The following PLXDC2 variants were observed in gnomAD, a reference collection of about 807,000 sequenced individuals.
The protein encoded by PLXDC2 is plexin domain-containing protein 2.
Under a neutral mutation model 68.9 loss-of-function variants are expected in PLXDC2, and 40 were observed. The observed-to-expected ratio is 0.58, with a 90% CI of 0.45 to 0.76. PLXDC2 has a LOEUF of 0.76. PLXDC2 is among the 30% of genes least tolerant of loss of function. The pLI, the probability that PLXDC2 is intolerant of heterozygous loss-of-function variation, is 0.00. For missense variants in PLXDC2, 644 were observed against 661.9 expected (o/e 0.97, Z 0.30); for synonymous variants, 243 against 234.2 (o/e 1.04, Z -0.34).
chr10:19,986,377 A>G (rs1304566500), intron 1 of PLXDC2, among the ~76,000 whole-genome samples: 3 of 152,266 alleles, frequency 2.0e-5, no homozygotes, highest in Non-Finnish European at 2.9e-5. Context: ...GGTATTTTTG[A>G]AAATCCAATA....
At chr10:19,906,839 C>T (rs1236206751) in intron 1 of PLXDC2, among the ~76,000 whole-genome samples, 1 of 152,122 alleles carries the variant, frequency 6.6e-6, no homozygotes. Context: ...TATTGTTCCC[C>T]TAAAATCCTA....
rs115536948 is a variant in PLXDC2, at chr10:20,229,419, C to G, written c.1312+10317C>G. On this transcript the variant is annotated intron_variant, in intron 12 of 13. Transcript: ENST00000377252. ...GTTTGCAGCCTCCTAAACTTGGTAG[C>G]ATTCCTTGAGGTTGTATGATTTCAA... Among the ~76,000 whole-genome samples, 712 of 148,244 alleles carry G rather than the reference C, an allele frequency of 4.8e-3. 7 individuals carry two copies. The highest frequency in any genetic ancestry group is 0.014 in the African/African-American group (570 of 40,206).
chr10:19,947,750 A>G (rs1441394873), intron 1 of PLXDC2, among the ~76,000 whole-genome samples: 1 of 134,418 alleles, frequency 7.4e-6, no homozygotes, highest in African/African-American at 2.8e-5. Flanking sequence ...TTGCTGTTTA[A>G]CAAGTTATAA....
At chr10:19,919,431 G>C in intron 1 of PLXDC2, among the ~76,000 whole-genome samples, 1 of 152,204 alleles carries the variant, frequency 6.6e-6, no homozygotes, top group African/African-American at 2.4e-5. Flanking sequence ...TTGGGAGCCT[G>C]CTGTAAAAAT....
intron 1 of PLXDC2, among the ~76,000 whole-genome samples, chr10:19,938,547 C>T (rs11011690): frequency 0.1 from 15,175 of 151,994 alleles, 775 homozygotes; most frequent in Admixed American, 0.12. Flanking sequence ...CCAGATCTCA[C>T]TAGAACTCAC....
At chr10:20,091,791 A>G (rs1046297453) in intron 4 of PLXDC2, 10 of 151,936 alleles carry the variant, frequency 6.6e-5, no homozygotes, top group African/African-American at 1.7e-4. Flanking sequence ...CACAGAAACC[A>G]CCCCCGGCCC....
At chr10:19,886,405 C>G (rs1837846631) in intron 1 of PLXDC2, among the ~76,000 whole-genome samples, 3 of 152,108 alleles carry the variant, frequency 2.0e-5, no homozygotes, top group Admixed American at 1.3e-4. Context: ...AATCCAGCAG[C>G]ACATCAAAAA....
intron 2 of PLXDC2, among the ~76,000 whole-genome samples, chr10:20,039,023 G>T (rs1229857295): frequency 6.6e-6 from 1 of 152,152 alleles, no homozygotes; most frequent in African/African-American, 2.4e-5. Context: ...ACACTGAAAT[G>T]AACTGATTGG....
intron 4 of PLXDC2, among the ~76,000 whole-genome samples, chr10:20,115,273 C>G (rs891481271): frequency 6.6e-6 from 1 of 152,130 alleles, no homozygotes; most frequent in Non-Finnish European, 1.5e-5. Context: ...GTATTTGCAA[C>G]CTTGACTCAT....
At chr10:20,087,586 T>A (rs190208980) in intron 4 of PLXDC2, among the ~76,000 whole-genome samples, 60 of 152,318 alleles carry the variant, frequency 3.9e-4, no homozygotes, top group African/African-American at 1.3e-3. Flanking sequence ...CATATGGAAT[T>A]TTTCTTCCTC....
At chr10:20,093,955 G>A (rs759744446) in intron 4 of PLXDC2, among the ~76,000 whole-genome samples, 3 of 152,186 alleles carry the variant, frequency 2.0e-5, no homozygotes, top group Non-Finnish European at 4.4e-5. Flanking sequence ...TTACAGGCAT[G>A]AGCCACCATG....
chr10:20,201,921 C>T (rs1464800223), intron 9 of PLXDC2, among the ~76,000 whole-genome samples: 1 of 152,078 alleles, frequency 6.6e-6, no homozygotes, highest in African/African-American at 2.4e-5. Context: ...GAACGTAAAA[C>T]TAAAACCATC....
chr10:19,825,226 T>C (rs1309747787), intron 1 of PLXDC2, among the ~76,000 whole-genome samples: 1 of 152,310 alleles, frequency 6.6e-6, no homozygotes, highest in East Asian at 1.9e-4. Flanking sequence ...TAATTGGACA[T>C]TTTCCTTAGA....
Position 20,245,208 on chromosome 10 carries a change from A to C in PLXDC2, c.1313-137A>C, listed in dbSNP as rs377513932. Reference sequence around the variant, plus strand: ...CATATGAAGAGCACGTCACCTGTAAAATTGATGTTGCAGAAAAGTTGTCCA... The same window carrying C: ...CATATGAAGAGCACGTCACCTGTAACATTGATGTTGCAGAAAAGTTGTCCA... On this transcript the variant is annotated intron_variant, in intron 12 of 13. Coordinates refer to ENST00000377252, the MANE Select transcript of PLXDC2 (RefSeq NM_032812.9). The C allele has an allele frequency of 3.6e-6, 3 of 832,098 alleles. No homozygotes were observed. The African/African-American group carries it at 6.0e-5, about 17-fold the overall frequency. 51.5% of individuals were successfully genotyped at this position (832,098 alleles called of 1,614,324 possible). A position where few individuals can be genotyped will look rare whatever the true frequency, so the allele number is the denominator to read the frequency against.
chr10:19,820,905 C>T (rs1292020348), intron 1 of PLXDC2, among the ~76,000 whole-genome samples: 3 of 152,036 alleles, frequency 2.0e-5, no homozygotes, highest in African/African-American at 7.2e-5. Context: ...TGGTGAAACC[C>T]CGCCTCTACT....
At chr10:19,987,707 G>GC (rs1834668218) in intron 1 of PLXDC2, among the ~76,000 whole-genome samples, 1 of 151,612 alleles carries the variant, frequency 6.6e-6, no homozygotes, top group Admixed American at 6.6e-5. Flanking sequence ...GACTATAGGC[G>GC]CCCGCCACCA....
At chr10:19,997,748 T>C (rs1834865604) in intron 1 of PLXDC2, among the ~76,000 whole-genome samples, 1 of 152,138 alleles carries the variant, frequency 6.6e-6, no homozygotes, top group Non-Finnish European at 1.5e-5. Context: ...TGAGAATATA[T>C]ATGAGGATAC....
chr10:19,971,697 A>G lies in PLXDC2; in HGVS notation c.113-30078A>G, dbSNP rs575043532. On this transcript the variant is annotated intron_variant, in intron 1 of 13. Coordinates refer to ENST00000377252, the MANE Select transcript of PLXDC2 (RefSeq NM_032812.9). ...TTTCTGCTTATCATGTGTTTTTTCC[A>G]TTTATTCATCTCTCGACAAACATTT... Among the ~76,000 whole-genome samples, 92 of 152,206 alleles carry G rather than the reference A, an allele frequency of 6.0e-4. 1 individual carries two copies. The highest frequency in any genetic ancestry group is 6.0e-3 in the Admixed American group (92 of 15,282).
intron 4 of PLXDC2, among the ~76,000 whole-genome samples, chr10:20,117,209 T>C (rs2461937): frequency 0.36 from 54,399 of 151,880 alleles, 11,264 homozygotes; most frequent in Non-Finnish European, 0.48. Flanking sequence ...AAAAGACATA[T>C]AAAGATTATG....
Sources: gnomAD v4.1 joint callset for allele counts (sites outside exome capture counted in the v4.1 genomes callset) on GRCh38, gnomAD v4.1.1 for gene constraint, MANE v1.5 for transcripts, NCBI Gene and HGNC (gene_info 2026-07-23, HGNC 2026-07-21) for gene names.